CTDSP1: variants seen among roughly 807,000 people sequenced by gnomAD.
The protein encoded by CTDSP1 is carboxy-terminal domain RNA polymerase II polypeptide A small phosphatase 1.
CTDSP1 carries 15 observed loss-of-function variants against 32.5 expected under a neutral mutation model. The observed-to-expected ratio is 0.46, with a 90% CI of 0.31 to 0.71. The LOEUF (loss-of-function observed/expected upper bound fraction) is 0.71, where lower values mean the gene tolerates loss of function less well. Among genes scored for constraint, CTDSP1 ranks in the 30% least tolerant of loss-of-function variants. The probability of loss-of-function intolerance (pLI) is 0.05; values close to 1 mark genes in which losing one functional copy is unlikely to be tolerated. For synonymous variants in CTDSP1, 185 were observed against 145.4 expected, an observed-to-expected ratio of 1.27 and a Z score of -1.96; for missense variants, 294 against 351.1, an observed-to-expected ratio of 0.84 and a Z score of 1.30.
In CTDSP1 at chr2:218,401,702, C is replaced by T; in HGVS notation, c.206C>T (p.Ala69Val). ...GAPLLVEENG[A>V]IPKQTPVQYL... is the part of the protein sequence containing the mutation. ...CCCCTGCTTGTGGAGGAGAATGGCG[C>T]CATCCCTAAGGTGCGTGGGGGCCAG... Residue 69 changes from alanine to valine, a missense_variant, in exon 2 of 7, where the codon GCC (alanine) becomes GTC (valine). Ala to Val is a moderately conservative substitution (Grantham distance 64). Around this residue, in one of 2 missense-constraint regions of CTDSP1, gnomAD observed 148 missense variants for 113.3 expected, o/e 1.31. Transcript: ENST00000273062. 6.3e-7 allele frequency: 1 copy of T among 1,586,396 alleles called. No homozygotes were observed. The highest frequency in any genetic ancestry group is 8.6e-7 in the Non-Finnish European group (1 of 1,166,170).
rs755635864 is a variant in CTDSP1, at chr2:218,402,319, C to T, written c.322-30C>T. ...GACCCCATGCCCTGGGGCTCCTCCT[C>T]CAACTCCAGCAGCTCTTTTCCCCCC... On this transcript the variant is annotated intron_variant, in intron 3 of 6. Transcript: ENST00000273062. The T allele has an allele frequency of 1.4e-5, 22 of 1,613,846 alleles. No individual in the cohort carries two copies. The East Asian group carries it at 4.0e-4, about 29-fold the overall frequency.
intron 1 of CTDSP1, chr2:218,400,595 C>G (rs898288081): frequency 2.6e-6 from 1 of 383,342 alleles, no homozygotes; most frequent in South Asian, 1.9e-5. Flanking sequence ...GAGGGGGCGC[C>G]GAGGTGACAG....
upstream of CTDSP1, among the ~76,000 whole-genome samples, chr2:218,397,235 G>A (rs1696855991): frequency 6.6e-6 from 1 of 152,232 alleles, no homozygotes; most frequent in Admixed American, 6.5e-5. Flanking sequence ...GGCTAGTGAT[G>A]AGGTCGCGCC....
upstream of CTDSP1, chr2:218,398,520 C>T (rs1339801952): frequency 3.0e-6 from 4 of 1,342,774 alleles, no homozygotes; most frequent in African/African-American, 1.5e-5. Flanking sequence ...CTACTCCCAG[C>T]CTCAGCGCAC....
At chr2:218,399,862 A>AT, upstream of CTDSP1, 1 of 1,236,844 alleles carries the variant, frequency 8.1e-7, no homozygotes, top group Non-Finnish European at 1.0e-6. Flanking sequence ...CCTGGGTTCC[A>AT]TGTTTGCATC....
In CTDSP1 at chr2:218,404,578, C is replaced by T. The variant is rs533283778; in HGVS notation, c.*153C>T. The T allele has an allele frequency of 2.1e-5, 20 of 936,036 alleles. No individual in the cohort carries two copies. The highest frequency in any genetic ancestry group is 5.0e-5 in the Admixed American group (2 of 39,984). The allele number at this position is 936,036 out of a possible 1,614,324, so 58.0% of individuals were successfully genotyped here. A position where few individuals can be genotyped will look rare whatever the true frequency, so the allele number is the denominator to read the frequency against. On this transcript the variant is annotated 3_prime_UTR_variant, in exon 7 of 7. Transcript: ENST00000273062. ...CGTCTCCCCCACCAGCCCCACCAGG[C>T]GGTGTAGGGGCAGCAGGCTGCACTG...
At chr2:218,401,355 C>T (rs982693765) in intron 1 of CTDSP1, 40 of 602,856 alleles carry the variant, frequency 6.6e-5, no homozygotes, top group Admixed American at 3.0e-5. Context: ...ACCTGCTAGA[C>T]CTATTTGTCT....
Position 218,404,988 on chromosome 2 carries a change from C to T in CTDSP1, c.*563C>T, listed in dbSNP as rs1697340689. The stretch of plus-strand genomic sequence containing the variant: ...TGGAGGGAGGGGAGGTCTGTTACCA[C>T]TGGGGAAGGCAGCAGGAGTCTGTCC... On this transcript the variant is annotated 3_prime_UTR_variant, in exon 7 of 7. Transcript: ENST00000273062. The T allele has an allele frequency of 6.5e-6, 1 of 153,376 alleles. No homozygotes were observed. The highest frequency in any genetic ancestry group is 6.5e-5 in the Admixed American group (1 of 15,338). 9.5% of individuals were successfully genotyped at this position (153,376 alleles called of 1,614,324 possible). A position where few individuals can be genotyped will look rare whatever the true frequency, so the allele number is the denominator to read the frequency against.
chr2:218,397,247 A>G (rs576019982), upstream of CTDSP1, among the ~76,000 whole-genome samples: 2 of 152,330 alleles, frequency 1.3e-5, no homozygotes, highest in East Asian at 1.9e-4. Context: ...GGTCGCGCCA[A>G]GGTCAGTCAT....
intron 6 of CTDSP1, 98 bp downstream of exon 6, chr2:218,403,515 G>A (rs1406414662): frequency 1.7e-6 from 2 of 1,160,958 alleles, no homozygotes; most frequent in Non-Finnish European, 2.4e-6. Context: ...CCAGTTGGGG[G>A]GTGGGTGCCC....
At position 218,403,367 on chromosome 2, in the gene CTDSP1, C is replaced by T; in HGVS notation, c.607C>T (p.Leu203Phe). ...SRLGRDLRRV[L>F]ILDNSPASYV... ...GTTGGGTCGAGACCTGCGGCGGGTG[C>T]TCATCCTGGACAATTCACCTGCCTC... The change falls in exon 6 of 7, where the codon CTC becomes TTC. Residue 203 changes from leucine (L) to phenylalanine (F), a missense_variant. By Grantham distance (22) the Leu-to-Phe change is conservative. Transcript: ENST00000273062. 1 of 1,612,738 alleles carries T rather than the reference C, an allele frequency of 6.2e-7. No homozygotes were observed. Among genetic ancestry groups the T allele is most frequent in the Non-Finnish European group, 8.5e-7 (1 of 1,179,518 alleles).
rs766894908 is a variant in CTDSP1, at chr2:218,401,724, C to T, written c.216+12C>T. On this transcript the variant is annotated intron_variant, in intron 2 of 6. Coordinates refer to ENST00000273062, the MANE Select transcript of CTDSP1 (RefSeq NM_021198.3). Reference sequence around the variant, plus strand: ...GCGCCATCCCTAAGGTGCGTGGGGGCCAGGTGGGGCCACGGGGGCACCTGG... The same window carrying T: ...GCGCCATCCCTAAGGTGCGTGGGGGTCAGGTGGGGCCACGGGGGCACCTGG... 16 of 1,543,160 alleles carry T rather than the reference C, an allele frequency of 1.0e-5. No homozygotes were observed. The highest frequency in any genetic ancestry group is 2.0e-5 in the Admixed American group (1 of 49,062).
chr2:218,397,127 G>C (rs1355217624), upstream of CTDSP1, among the ~76,000 whole-genome samples: 1 of 152,154 alleles, frequency 6.6e-6, no homozygotes, highest in East Asian at 1.9e-4. Context: ...GGACGTCTTA[G>C]ATCTTGTGGG....
intron 1 of CTDSP1, chr2:218,401,299 G>C: frequency 1.8e-6 from 1 of 541,538 alleles, no homozygotes; most frequent in Non-Finnish European, 3.3e-6. Flanking sequence ...GAGCACCCCA[G>C]GACCTCCTTC....
At chr2:218,399,633 G>C (rs901805541), upstream of CTDSP1, 3 of 754,726 alleles carry the variant, frequency 4.0e-6, no homozygotes, top group East Asian at 1.3e-4. Context: ...GGCCTGGAAC[G>C]GTGAGCCGGG....
At chr2:218,399,730 A>ACCAGG, upstream of CTDSP1, 1 of 1,001,732 alleles carries the variant, frequency 1.0e-6, no homozygotes, top group Non-Finnish European at 1.2e-6. Context: ...CGCGGCAGGA[A>ACCAGG]CCCGGCCCGG....
chr2:218,400,783 G>A (rs763143192), intron 1 of CTDSP1: 17 of 453,602 alleles, frequency 3.7e-5, no homozygotes, highest in Non-Finnish European at 2.2e-5. Context: ...GCACCACCCC[G>A]CAAAGCCTCG....
At chr2:218,397,514 G>A (rs1696882404), upstream of CTDSP1, among the ~76,000 whole-genome samples, 1 of 152,170 alleles carries the variant, frequency 6.6e-6, no homozygotes, top group African/African-American at 2.4e-5. Flanking sequence ...TTGGCAGATG[G>A]GGAAACTGAG....
rs1697221502 is a variant in CTDSP1 at position 218,402,819 on chromosome 2, G to A, written c.379-216G>A. On this transcript the variant is annotated intron_variant, in intron 4 of 6. Coordinates refer to ENST00000273062, the MANE Select transcript of CTDSP1 (RefSeq NM_021198.3). The stretch of plus-strand genomic sequence containing the variant: ...GGATTGGGAATTAGGGACCTCGTGA[G>A]GTAGGACTGGCCAGTGGAGTGGAAG... 8.6e-5 allele frequency: 59 copies of A among 686,892 alleles called. No individual in the cohort carries two copies. The South Asian group carries it at 8.9e-4, about 10-fold the overall frequency. The allele number at this position is 686,892 out of a possible 1,614,324, so 42.5% of individuals were successfully genotyped here.
Sources: allele counts gnomAD v4.1 joint callset (sites outside exome capture counted in the v4.1 genomes callset), GRCh38; gene constraint gnomAD v4.1.1; regional missense constraint gnomAD v4.1.1; transcripts MANE v1.5; gene names NCBI Gene and HGNC (gene_info 2026-07-23, HGNC 2026-07-21).